Variants in NLRP1 observed in about 807,000 individuals in gnomAD.
NLRP1 encodes the protein NACHT, LRR and PYD domains-containing protein 1.
In NLRP1, 94 loss-of-function variants were observed where a neutral mutation model predicts 136.7. The ratio of observed to expected loss-of-function variants is 0.69; its 90% CI spans 0.58 to 0.82. NLRP1 has a LOEUF of 0.82. NLRP1 is among the 40% of genes least tolerant of loss of function. The pLI is 0.00. For synonymous variants in NLRP1, 690 were observed against 725.1 expected, an observed-to-expected ratio of 0.95 and a Z score of 0.78; for missense variants, 1,575 against 1,802.7, an observed-to-expected ratio of 0.87 and a Z score of 2.29.
At chr17:5,534,713 A>T (rs1007332878) in intron 8 of NLRP1, among the ~76,000 whole-genome samples, 3 of 152,162 alleles carry the variant, frequency 2.0e-5, no homozygotes, top group African/African-American at 4.8e-5. Context: ...CCAATCTTGA[A>T]ATAGGAACCT....
At chr17:5,510,073 CT>C (rs899981503), downstream of NLRP1, among the ~76,000 whole-genome samples, 99 of 146,928 alleles carry the variant, frequency 6.7e-4, no homozygotes, top group Middle Eastern at 3.4e-3. Flanking sequence ...TCTTCTTCTT[CT>C]TTTTTTTTTT....
intron 8 of NLRP1, among the ~76,000 whole-genome samples, chr17:5,535,380 C>T (rs934573622): frequency 6.6e-6 from 1 of 152,146 alleles, no homozygotes. Flanking sequence ...GCTCCTGACG[C>T]CTGGCCTCCC....
intron 3 of NLRP1, among the ~76,000 whole-genome samples, chr17:5,562,292 G>A (rs1186018189): frequency 2.0e-5 from 3 of 152,260 alleles, no homozygotes; most frequent in Non-Finnish European, 4.4e-5. Context: ...CAATGCCCAA[G>A]CAGGGAAGAG....
In NLRP1 at chr17:5,539,593, A is replaced by G. The variant is rs376123525; in HGVS notation, c.2700-8T>C. The G allele has an allele frequency of 5.0e-6, 8 of 1,604,626 alleles. No homozygotes were observed. The East Asian group carries it at 1.1e-4, about 22-fold the overall frequency. On this transcript the variant is annotated splice_polypyrimidine_tract_variant and splice_region_variant and intron_variant, in intron 6 of 16. Coordinates refer to ENST00000572272, the MANE Select transcript of NLRP1 (RefSeq NM_033004.4). ...AGGCCACAGCTGACCAGCCTGCAGG[A>G]AAGATACACGCCAGCCCAGGTCATT...
intron 3 of NLRP1, among the ~76,000 whole-genome samples, chr17:5,578,539 T>C (rs567236680): frequency 6.6e-6 from 1 of 152,234 alleles, no homozygotes; most frequent in Admixed American, 6.5e-5. Flanking sequence ...ATTAGAGAAA[T>C]GCAAATCAAA....
At chr17:5,505,777 G>T (rs8067359) in intron 15 of NLRP1, 92,636 of 152,092 alleles carry the variant, frequency 0.61, 30,848 homozygotes, top group East Asian at 0.97. Flanking sequence ...TCCACAGTGG[G>T]TTTTCTCCCA....
At chr17:5,503,928 C>T (rs1035687130) in intron 15 of NLRP1, 1 of 152,238 alleles carries the variant, frequency 6.6e-6, no homozygotes, top group Non-Finnish European at 1.5e-5. Context: ...AGAGAGGCCT[C>T]TTCTAGGGGG....
Position 5,530,598 on chromosome 17 carries a change from A to C in NLRP1, c.3403T>G (p.Phe1135Val). 6.2e-7 allele frequency: 1 copy of C among 1,614,194 alleles called. No individual in the cohort carries two copies. Among genetic ancestry groups the C allele is most frequent in the South Asian group, 1.1e-5 (1 of 91,080 alleles). Residue 1135 changes from phenylalanine to valine, a missense_variant, in exon 12 of 17, where the codon TTC becomes GTC. Transcript: ENST00000572272. ...VEIEFCVWDQFLGEINPQHSW... is the reference protein window; with the variant it reads ...VEIEFCVWDQVLGEINPQHSW... Reference sequence around the variant, plus strand: ...TGCTGTGGGTTGATCTCACCCAGGAACTGGTCCCACACACAGAATTCAATC... The same window carrying C: ...TGCTGTGGGTTGATCTCACCCAGGACCTGGTCCCACACACAGAATTCAATC...
chr17:5,562,542 G>C (rs769636326), intron 3 of NLRP1, among the ~76,000 whole-genome samples: 1 of 152,202 alleles, frequency 6.6e-6, no homozygotes, highest in Non-Finnish European at 1.5e-5. Context: ...GACTAAGTGA[G>C]AAGGTCACCC....
intron 4 of NLRP1, among the ~76,000 whole-genome samples, chr17:5,555,362 A>G (rs1210754062): frequency 2.6e-5 from 4 of 151,866 alleles, no homozygotes; most frequent in African/African-American, 7.3e-5. Flanking sequence ...TTTTTTTTAT[A>G]GTAGCTTCCT....
At chr17:5,555,017 TCACA>T (rs55705436) in intron 4 of NLRP1, among the ~76,000 whole-genome samples, 1,847 of 142,362 alleles carry the variant, frequency 0.013, 33 homozygotes, top group South Asian at 0.028. Flanking sequence ...TGAGATCCCA[TCACA>T]CACACACACA....
At chr17:5,524,907 T>C (rs1315926904) in intron 12 of NLRP1, among the ~76,000 whole-genome samples, 2 of 152,182 alleles carry the variant, frequency 1.3e-5, no homozygotes, top group African/African-American at 4.8e-5. Context: ...GGACTGTCAG[T>C]GTTAAGATGA....
chr17:5,545,872 C>A (rs1353574578), intron 5 of NLRP1, among the ~76,000 whole-genome samples: 1 of 152,230 alleles, frequency 6.6e-6, no homozygotes, highest in Non-Finnish European at 1.5e-5. Flanking sequence ...CTCATTTTCA[C>A]TAGGCATGTT....
chr17:5,563,365 C>CTT (rs2151808719), intron 3 of NLRP1, among the ~76,000 whole-genome samples: 1 of 152,258 alleles, frequency 6.6e-6, no homozygotes, highest in African/African-American at 2.4e-5. Flanking sequence ...CCAGTCCAAG[C>CTT]AATCTAAGGA....
At chr17:5,526,916 T>C (rs1909625724) in intron 12 of NLRP1, among the ~76,000 whole-genome samples, 1 of 152,248 alleles carries the variant, frequency 6.6e-6, no homozygotes, top group South Asian at 2.1e-4. Flanking sequence ...GGAAAGTTAA[T>C]GACTCATCAC....
intron 5 of NLRP1, among the ~76,000 whole-genome samples, chr17:5,547,524 G>T (rs1912830750): frequency 6.6e-6 from 1 of 152,176 alleles, no homozygotes; most frequent in Non-Finnish European, 1.5e-5. Context: ...TCCCTGCTCT[G>T]CCATTTTTGC....
At chr17:5,521,451 G>C in intron 13 of NLRP1, 73 bp downstream of exon 13, 1 of 1,517,516 alleles carries the variant, frequency 6.6e-7, no homozygotes, top group Non-Finnish European at 9.0e-7. Context: ...AGACCCTCTA[G>C]GGGGCTCTCT....
At chr17:5,539,905 CTCTTTT>C (rs2151771624) in intron 6 of NLRP1, among the ~76,000 whole-genome samples, 1 of 152,282 alleles carries the variant, frequency 6.6e-6, no homozygotes, top group East Asian at 1.9e-4. Context: ...TATCTGTTTT[CTCTTTT>C]TCTTTTTTCT....
At chr17:5,502,834 A>G in intron 15 of NLRP1, 1 of 152,188 alleles carries the variant, frequency 6.6e-6, no homozygotes, top group Non-Finnish European at 1.5e-5. Flanking sequence ...GTGAAATGGG[A>G]GGTTGCTTAG....
Sources: allele counts gnomAD v4.1 joint callset (sites outside exome capture counted in the v4.1 genomes callset), GRCh38; gene constraint gnomAD v4.1.1; transcripts MANE v1.5; gene names NCBI Gene and HGNC (gene_info 2026-07-23, HGNC 2026-07-21).